The following EXT1 variants were observed in gnomAD, a reference collection of about 807,000 sequenced individuals.
EXT1 encodes the protein exostosin-1.
EXT1 carries 20 observed loss-of-function variants against 82.5 expected under a neutral mutation model. The ratio of observed to expected loss-of-function variants is 0.24; its 90% CI spans 0.17 to 0.35. The LOEUF (loss-of-function observed/expected upper bound fraction) is 0.35. Among genes scored for constraint, EXT1 ranks in the 10% least tolerant of loss-of-function variants. The pLI, the probability that EXT1 is intolerant of heterozygous loss-of-function variation, is 1.00. For missense variants in EXT1, 757 were observed against 936.5 expected, an observed-to-expected ratio of 0.81 and a Z score of 2.50; for synonymous variants, 348 against 350.8, an observed-to-expected ratio of 0.99 and a Z score of 0.09.
At chr8:117,898,823 G>GA (rs60372493) in intron 1 of EXT1, among the ~76,000 whole-genome samples, 1,945 of 141,380 alleles carry the variant, frequency 0.014, 30 homozygotes, top group African/African-American at 0.04. Flanking sequence ...CAGACGGCAG[G>GA]AAAAAAAAAA....
In EXT1 at chr8:118,074,086, G is replaced by A. The variant is rs140667421; in HGVS notation, c.962+35999C>T. 2.8e-3 allele frequency among the ~76,000 whole-genome samples: 429 copies of A among 152,130 alleles called. 1 individual carries two copies. The highest frequency in any genetic ancestry group is 4.7e-3 in the Non-Finnish European group (320 of 68,002). On this transcript the variant is annotated intron_variant, in intron 1 of 10. Coordinates refer to ENST00000378204, the MANE Select transcript of EXT1 (RefSeq NM_000127.3). ...AAAAGGCAAAACCGGAATGGGGGTG[G>A]GGTGGGAGTGGGGGTGAGGGTGAGG...
chr8:117,913,226 A>T (rs973342537), intron 1 of EXT1, among the ~76,000 whole-genome samples: 1 of 152,050 alleles, frequency 6.6e-6, no homozygotes, highest in Non-Finnish European at 1.5e-5. Flanking sequence ...CATTTTTTTT[A>T]AAAGGTGTCA....
At chr8:118,066,601 T>A (rs918280995) in intron 1 of EXT1, among the ~76,000 whole-genome samples, 16 of 152,276 alleles carry the variant, frequency 1.1e-4, no homozygotes, top group African/African-American at 3.6e-4. Context: ...CCTCAAGTGA[T>A]CTGCCCGCCT....
rs561919850 is a variant in EXT1, at chr8:117,997,261, A to G, written c.962+112824T>C. Among the ~76,000 whole-genome samples the G allele has an allele frequency of 3.2e-5, 4 of 124,238 alleles. No individual in the cohort carries two copies. The South Asian group carries it at 1.0e-3, about 32-fold the overall frequency. 81.5% of individuals were successfully genotyped at this position (124,238 alleles called of 152,430 possible). Reference sequence around the variant, plus strand: ...GTTGTCATACTATATATATATATATATACACACTTTATATATATATACTTT... The same window carrying G: ...GTTGTCATACTATATATATATATATGTACACACTTTATATATATATACTTT... On this transcript the variant is annotated intron_variant, in intron 1 of 10. Transcript: ENST00000378204.
At chr8:118,048,418 G>A (rs1816656385) in intron 1 of EXT1, among the ~76,000 whole-genome samples, 1 of 152,150 alleles carries the variant, frequency 6.6e-6, no homozygotes, top group African/African-American at 2.4e-5. Flanking sequence ...AAAGTCCTAT[G>A]CCAGATAGGT....
At position 118,110,406 on chromosome 8, in the gene EXT1, G is replaced by T; in HGVS notation, c.641C>A (p.Ala214Glu). The T allele has an allele frequency of 6.2e-7, 1 of 1,614,146 alleles. No individual in the cohort carries two copies. The highest frequency in any genetic ancestry group is 1.1e-5 in the South Asian group (1 of 91,070). ...TEDVGFDIGQ[A>E]MLAKASISTE... is the part of the protein sequence containing the mutation. Reference sequence around the variant, plus strand: ...ACTGATGCTGGCTTTGGCCAGCATCGCCTGGCCGATGTCAAACCCCACGTC... The same window carrying T: ...ACTGATGCTGGCTTTGGCCAGCATCTCCTGGCCGATGTCAAACCCCACGTC... The change falls in exon 1 of 11, where the codon GCG (alanine) becomes GAG (glutamate). Residue 214 changes from alanine to glutamate, a missense_variant. By Grantham distance (107) the Ala-to-Glu change is moderately radical. Coordinates refer to ENST00000378204, the MANE Select transcript of EXT1 (RefSeq NM_000127.3).
intron 1 of EXT1, among the ~76,000 whole-genome samples, chr8:117,968,553 A>ATTTTTTTTTTTTTTTTTTTTTTT (rs1182180428): frequency 4.3e-4 from 4 of 9,304 alleles, no homozygotes; most frequent in Admixed American, 2.6e-3. Context: ...TTATTTATTT[A>ATTTTTTTTTTTTTTTTTTTTTTT]TTTTTTTTTT....
chr8:117,994,352 C>A (rs540162967), intron 1 of EXT1, among the ~76,000 whole-genome samples: 1 of 152,192 alleles, frequency 6.6e-6, no homozygotes, highest in Non-Finnish European at 1.5e-5. Flanking sequence ...TTGCTCACAC[C>A]TGTAATCCCA....
At chr8:117,969,393 G>A (rs1017529620) in intron 1 of EXT1, among the ~76,000 whole-genome samples, 1 of 152,130 alleles carries the variant, frequency 6.6e-6, no homozygotes, top group Non-Finnish European at 1.5e-5. Flanking sequence ...TGGTTGTTTA[G>A]CCCAACAAAC....
At chr8:117,850,962 C>T (rs2129829294) in intron 1 of EXT1, among the ~76,000 whole-genome samples, 1 of 152,166 alleles carries the variant, frequency 6.6e-6, no homozygotes, top group South Asian at 2.1e-4. Flanking sequence ...AGAAATAAAA[C>T]CCAAACCACC....
chr8:117,869,151 C>T (rs888138440), intron 1 of EXT1, among the ~76,000 whole-genome samples: 5 of 152,194 alleles, frequency 3.3e-5, no homozygotes, highest in Admixed American at 2.0e-4. Flanking sequence ...CTCTCCAGAC[C>T]CATGTCCTCC....
At chr8:118,088,724 T>G (rs895890173) in intron 1 of EXT1, among the ~76,000 whole-genome samples, 4 of 152,124 alleles carry the variant, frequency 2.6e-5, no homozygotes, top group Non-Finnish European at 2.9e-5. Context: ...TCTTGTTTAC[T>G]TTTGATCAAA....
rs79861033 is a variant in EXT1 at position 117,990,576 on chromosome 8, G to A, written c.962+119509C>T. On this transcript the variant is annotated intron_variant, in intron 1 of 10. Coordinates refer to ENST00000378204, the MANE Select transcript of EXT1 (RefSeq NM_000127.3). ...TGGCTGCTGCCATAATGCTAAGGCCGGCAAGCCTAAGAGTAAGACCCACAG... is the reference window on the plus strand; with the variant it reads ...TGGCTGCTGCCATAATGCTAAGGCCAGCAAGCCTAAGAGTAAGACCCACAG... Among the ~76,000 whole-genome samples the A allele has an allele frequency of 2.5e-3, 376 of 152,274 alleles. 1 individual carries two copies. The highest frequency in any genetic ancestry group is 8.7e-3 in the African/African-American group (361 of 41,564).
At chr8:117,878,820 T>C (rs1813012421) in intron 1 of EXT1, among the ~76,000 whole-genome samples, 1 of 152,254 alleles carries the variant, frequency 6.6e-6, no homozygotes, top group Admixed American at 6.5e-5. Flanking sequence ...GAGGATGTCA[T>C]GCCAGTGGGC....
intron 1 of EXT1, among the ~76,000 whole-genome samples, chr8:118,080,748 C>T (rs1284943725): frequency 6.6e-6 from 1 of 152,064 alleles, no homozygotes; most frequent in Non-Finnish European, 1.5e-5. Context: ...AAAAAGCATA[C>T]CTCATCTATT....
intron 1 of EXT1, among the ~76,000 whole-genome samples, chr8:117,978,745 A>G (rs4876782): frequency 0.75 from 113,453 of 152,176 alleles, 43,536 homozygotes; most frequent in African/African-American, 0.92. Context: ...CATAGACTCC[A>G]CAAAGGCTAG....
intron 1 of EXT1, among the ~76,000 whole-genome samples, chr8:117,956,606 C>T (rs1814592492): frequency 2.0e-5 from 3 of 152,124 alleles, no homozygotes; most frequent in African/African-American, 7.2e-5. Context: ...CCATACCTGG[C>T]TAATTTTTTT....
At chr8:117,969,799 T>C (rs1563616489) in intron 1 of EXT1, among the ~76,000 whole-genome samples, 1 of 152,250 alleles carries the variant, frequency 6.6e-6, no homozygotes, top group Non-Finnish European at 1.5e-5. Flanking sequence ...CAGAGCACTC[T>C]GAAGAAATGC....
chr8:117,839,145 T>C (rs1812232350), intron 1 of EXT1, among the ~76,000 whole-genome samples: 1 of 152,190 alleles, frequency 6.6e-6, no homozygotes, highest in African/African-American at 2.4e-5. Context: ...ATTGACATGA[T>C]CGAAGCTTGT....
Sources: gnomAD v4.1 joint callset for allele counts (sites outside exome capture counted in the v4.1 genomes callset) on GRCh38, gnomAD v4.1.1 for gene constraint, MANE v1.5 for transcripts, NCBI Gene and HGNC (gene_info 2026-07-23, HGNC 2026-07-21) for gene names.